The following GRM7 variants were observed in gnomAD, a reference collection of about 807,000 sequenced individuals.
GRM7 encodes the protein metabotropic glutamate receptor 7.
GRM7 carries 35 observed loss-of-function variants against 84.5 expected under a neutral mutation model. The observed-to-expected ratio is 0.41, with a 90% confidence interval of 0.32 to 0.55. GRM7 has a LOEUF of 0.55. Ranked by LOEUF, GRM7 falls within the 20% of genes least tolerant of loss-of-function variation. GRM7 has a pLI of 0.19. For synonymous variants in GRM7, 487 were observed against 455.1 expected, an observed-to-expected ratio of 1.07 and a Z score of -0.89; for missense variants, 1,003 against 1,194.6, an observed-to-expected ratio of 0.84 and a Z score of 2.36.
Position 6,862,043 on chromosome 3 carries a change from C to G in GRM7, c.519+136C>G. 2.9e-6 allele frequency: 2 copies of G among 687,606 alleles called. No homozygotes were observed. Among genetic ancestry groups the G allele is most frequent in the East Asian group, 5.5e-5 (2 of 36,594 alleles). The allele number at this position is 687,606 out of a possible 1,614,324, so 42.6% of individuals were successfully genotyped here. ...CCTCCCTGGAGATCCTGCCGAATCCCTCCCACCCCGCTCGAGGAGATACCT... is the reference window on the plus strand; with the variant it reads ...CCTCCCTGGAGATCCTGCCGAATCCGTCCCACCCCGCTCGAGGAGATACCT... On this transcript the variant is annotated intron_variant, in intron 1 of 9. Transcript: ENST00000357716. This position sits in a 1 kb window ranked among gnomAD's most constrained non-coding sequence, Gnocchi z 5.2.
At chr3:7,711,927 C>G (rs1424576307) in intron 9 of GRM7, among the ~76,000 whole-genome samples, 4 of 152,170 alleles carry the variant, frequency 2.6e-5, no homozygotes, top group Non-Finnish European at 4.4e-5. Flanking sequence ...CAATGAATAG[C>G]CCAAGAAGAT....
intron 2 of GRM7, among the ~76,000 whole-genome samples, chr3:7,214,648 GT>G (rs1696542177): frequency 6.6e-6 from 1 of 152,150 alleles, no homozygotes; most frequent in South Asian, 2.1e-4. Context: ...CTGAACAAAT[GT>G]TTGTTTTATC....
At chr3:7,538,906 AT>A (rs1440634562) in intron 7 of GRM7, among the ~76,000 whole-genome samples, 1 of 152,180 alleles carries the variant, frequency 6.6e-6, no homozygotes, top group East Asian at 1.9e-4. Context: ...AGAGGATGTG[AT>A]TTCGTGCTGG....
intron 7 of GRM7, among the ~76,000 whole-genome samples, chr3:7,497,967 C>T (rs1271745405): frequency 6.6e-6 from 1 of 152,120 alleles, no homozygotes; most frequent in Non-Finnish European, 1.5e-5. Context: ...GATTCTTCTT[C>T]CAGGAAGTCC....
intron 9 of GRM7, among the ~76,000 whole-genome samples, chr3:7,719,126 C>A (rs952390165): frequency 6.6e-6 from 1 of 152,116 alleles, no homozygotes; most frequent in African/African-American, 2.4e-5. Flanking sequence ...CCAGGGAACG[C>A]TATTTGGAAG....
rs140324288 is a variant in GRM7, at chr3:7,093,625, C to G, written c.520-52827C>G. 9.9e-3 allele frequency among the ~76,000 whole-genome samples: 1,241 copies of G among 125,630 alleles called. 15 individuals carry two copies. Among genetic ancestry groups the G allele is most frequent in the African/African-American group, 0.035 (1,178 of 33,524 alleles). The allele number at this position is 125,630 out of a possible 152,430, so 82.4% of individuals were successfully genotyped here. A position where few individuals can be genotyped will look rare whatever the true frequency, so the allele number is the denominator to read the frequency against. On this transcript the variant is annotated intron_variant, in intron 1 of 9. Transcript: ENST00000357716. ...CCAGGAGGCAGAGGTTGCAGTAACACTAGATCACACCACTGCACTCCAGCC... is the reference window on the plus strand; with the variant it reads ...CCAGGAGGCAGAGGTTGCAGTAACAGTAGATCACACCACTGCACTCCAGCC...
chr3:6,999,160 T>G (rs908690018), intron 1 of GRM7, among the ~76,000 whole-genome samples: 1 of 152,240 alleles, frequency 6.6e-6, no homozygotes, highest in East Asian at 1.9e-4. Flanking sequence ...CTCTCTCAAG[T>G]TCAAAGTTCC....
At chr3:7,356,631 G>A (rs1480250254) in intron 4 of GRM7, among the ~76,000 whole-genome samples, 2 of 152,018 alleles carry the variant, frequency 1.3e-5, no homozygotes, top group Non-Finnish European at 2.9e-5. Context: ...TAATCAAGTA[G>A]ATAGGCTGAC....
chr3:7,070,015 T>C (rs1574860613), intron 1 of GRM7, among the ~76,000 whole-genome samples: 1 of 152,210 alleles, frequency 6.6e-6, no homozygotes, highest in East Asian at 1.9e-4. Context: ...AGTCCCCTTC[T>C]AGGGAAGCAG....
rs150625886 is a variant in GRM7, at chr3:7,414,594, C to T, written c.1034-429C>T. On this transcript the variant is annotated intron_variant, in intron 4 of 9. Transcript: ENST00000357716. ...TGAGGTTTATATTGGACTCAGTTCA[C>T]CTACAACCTCTTCAAAAACTTTTCC... 4.3e-4 allele frequency among the ~76,000 whole-genome samples: 66 copies of T among 152,258 alleles called. 1 individual carries two copies. The highest frequency in any genetic ancestry group is 1.5e-3 in the African/African-American group (62 of 41,576).
At chr3:7,098,698 C>T (rs777309247) in intron 1 of GRM7, among the ~76,000 whole-genome samples, 2 of 151,886 alleles carry the variant, frequency 1.3e-5, no homozygotes, top group South Asian at 2.1e-4. Flanking sequence ...AAATATTTTT[C>T]GGTGCCATTT....
chr3:7,689,725 C>G (rs1157789388), intron 9 of GRM7, among the ~76,000 whole-genome samples: 1 of 152,192 alleles, frequency 6.6e-6, no homozygotes, highest in Non-Finnish European at 1.5e-5. Context: ...GTCACAAAAA[C>G]TATGTCAAGT....
chr3:7,360,694 T>A (rs1693622737), intron 4 of GRM7, among the ~76,000 whole-genome samples: 1 of 152,158 alleles, frequency 6.6e-6, no homozygotes, highest in Non-Finnish European at 1.5e-5. Flanking sequence ...GCTGGTTTTA[T>A]CAATCTGTAA....
At chr3:7,552,883 T>G (rs1376272833) in intron 7 of GRM7, among the ~76,000 whole-genome samples, 1 of 152,242 alleles carries the variant, frequency 6.6e-6, no homozygotes, top group Non-Finnish European at 1.5e-5. Context: ...TACATTTGGC[T>G]TCTAGTTACT....
At chr3:7,473,904 A>G (rs1698814208) in intron 7 of GRM7, among the ~76,000 whole-genome samples, 1 of 152,222 alleles carries the variant, frequency 6.6e-6, no homozygotes, top group East Asian at 1.9e-4. Context: ...AGAATTTCTT[A>G]CAATAGTAAA....
intron 2 of GRM7, among the ~76,000 whole-genome samples, chr3:7,288,313 T>A (rs560445094): frequency 1.3e-5 from 2 of 152,260 alleles, no homozygotes; most frequent in South Asian, 4.1e-4. Flanking sequence ...TAGCCTAGAA[T>A]ACCACACTGG....
chr3:7,716,083 G>T (rs1701762195), intron 9 of GRM7, among the ~76,000 whole-genome samples: 2 of 152,074 alleles, frequency 1.3e-5, no homozygotes, highest in African/African-American at 2.4e-5. Flanking sequence ...TGAATGCAGG[G>T]GTATCTGAGA....
intron 2 of GRM7, among the ~76,000 whole-genome samples, chr3:7,221,496 A>T (rs1696799596): frequency 6.6e-6 from 1 of 151,966 alleles, no homozygotes; most frequent in Non-Finnish European, 1.5e-5. Context: ...TTGTTTCTTG[A>T]TATGTAAAAA....
intron 2 of GRM7, among the ~76,000 whole-genome samples, chr3:7,164,310 G>C (rs1559479318): frequency 6.6e-6 from 1 of 152,192 alleles, no homozygotes; most frequent in Non-Finnish European, 1.5e-5. Context: ...AGTGAGCCAA[G>C]ATCACGCCAC....
Sources: allele counts gnomAD v4.1 joint callset (sites outside exome capture counted in the v4.1 genomes callset), GRCh38; gene constraint gnomAD v4.1.1; non-coding constraint Gnocchi (gnomAD v3.1); transcripts MANE v1.5; gene names NCBI Gene and HGNC (gene_info 2026-07-23, HGNC 2026-07-21).